The following GPC6 variants were observed in gnomAD, a reference collection of about 807,000 sequenced individuals.
GPC6 encodes glypican-6.
GPC6 carries 14 observed loss-of-function variants against 55.2 expected under a neutral mutation model. That is an observed-to-expected ratio of 0.25 (90% confidence interval 0.17 to 0.40). The LOEUF (loss-of-function observed/expected upper bound fraction) is 0.40, where lower values mean the gene tolerates loss of function less well. Ranked by LOEUF, GPC6 falls within the 10% of genes least tolerant of loss-of-function variation. GPC6 has a pLI of 1.00. For synonymous variants in GPC6, 278 were observed against 259.6 expected (o/e 1.07, Z -0.68); for missense variants, 641 against 708.5 (o/e 0.90, Z 1.08).
At chr13:93,797,144 T>C (rs1886222651) in intron 2 of GPC6, among the ~76,000 whole-genome samples, 1 of 87,856 alleles carries the variant, frequency 1.1e-5, no homozygotes, top group African/African-American at 5.1e-5. Context: ...ATAGTTCCCT[T>C]TGTCATTTAA....
At chr13:93,537,285 C>T (rs760410294) in intron 1 of GPC6, among the ~76,000 whole-genome samples, 3 of 152,156 alleles carry the variant, frequency 2.0e-5, no homozygotes, top group Non-Finnish European at 4.4e-5. Flanking sequence ...GGTTGTACCA[C>T]CTTCCAATAG....
At chr13:93,220,013 G>A in the GPC6 span, among the ~76,000 whole-genome samples, 1 of 152,108 alleles carries the variant, frequency 6.6e-6, no homozygotes, top group Non-Finnish European at 1.5e-5. Context: ...CAGGTAGTAG[G>A]AAATAAAAAC....
chr13:93,327,456 T>C (rs1169607346), intron 1 of GPC6, among the ~76,000 whole-genome samples: 1 of 152,154 alleles, frequency 6.6e-6, no homozygotes, highest in Non-Finnish European at 1.5e-5. Context: ...TCTACTTTCA[T>C]TTAACAGGAA....
chr13:94,159,045 A>G (rs376237729), intron 4 of GPC6, among the ~76,000 whole-genome samples: 1 of 152,064 alleles, frequency 6.6e-6, no homozygotes, highest in African/African-American at 2.4e-5. Context: ...GGCATGTATA[A>G]TATATCTTGG....
intron 1 of GPC6, among the ~76,000 whole-genome samples, chr13:93,407,660 G>C (rs1876344542): frequency 6.6e-6 from 1 of 152,106 alleles, no homozygotes; most frequent in Non-Finnish European, 1.5e-5. Context: ...AAGATGTTGA[G>C]ATATGCCTGT....
chr13:94,372,432 G>C (rs1245673489), intron 6 of GPC6, among the ~76,000 whole-genome samples: 1 of 151,654 alleles, frequency 6.6e-6, no homozygotes, highest in Non-Finnish European at 1.5e-5. Context: ...TTCCCTTTCC[G>C]AGTCAAAGAA....
intron 1 of GPC6, among the ~76,000 whole-genome samples, chr13:93,243,408 G>C (rs74108044): frequency 6.6e-6 from 1 of 152,068 alleles, no homozygotes; most frequent in East Asian, 1.9e-4. Context: ...CATGTCTCTA[G>C]TCAGCCATCT....
intron 6 of GPC6, among the ~76,000 whole-genome samples, chr13:94,331,626 A>C (rs1276613384): frequency 6.6e-6 from 1 of 152,228 alleles, no homozygotes; most frequent in Non-Finnish European, 1.5e-5. Flanking sequence ...AGTTGTTGGA[A>C]GTATTGCTTG....
intron 2 of GPC6, among the ~76,000 whole-genome samples, chr13:93,625,378 C>A (rs916678176): frequency 6.6e-6 from 1 of 152,152 alleles, no homozygotes; most frequent in African/African-American, 2.4e-5. Context: ...TGGGCATGGC[C>A]ACCTTCTATG....
chr13:93,804,474 G>A (rs747994116), intron 2 of GPC6, among the ~76,000 whole-genome samples: 6 of 152,018 alleles, frequency 3.9e-5, no homozygotes, highest in African/African-American at 1.2e-4. Context: ...CTCACCTGTC[G>A]GTTCCAAATC....
chr13:93,943,083 A>T (rs1408723405), intron 3 of GPC6, among the ~76,000 whole-genome samples: 1 of 152,188 alleles, frequency 6.6e-6, no homozygotes, highest in Admixed American at 6.5e-5. Flanking sequence ...ACTTTATTGC[A>T]CGTATCCTCA....
At chr13:93,223,019 C>CTTTTTTTTTTTTT (rs3073915), upstream of GPC6, among the ~76,000 whole-genome samples, 5 of 100,814 alleles carry the variant, frequency 5.0e-5, 1 homozygote, top group African/African-American at 1.1e-4. Context: ...AGGGAAAACA[C>CTTTTTTTTTTTTT]TTTTTTTTTT....
chr13:93,764,477 T>C (rs1885047562), intron 2 of GPC6, among the ~76,000 whole-genome samples: 1 of 152,096 alleles, frequency 6.6e-6, no homozygotes, highest in Non-Finnish European at 1.5e-5. Flanking sequence ...AATAAATTAA[T>C]TAGTGCCACA....
chr13:93,929,206 T>G (rs1878026474), intron 3 of GPC6, among the ~76,000 whole-genome samples: 1 of 152,206 alleles, frequency 6.6e-6, no homozygotes, highest in Non-Finnish European at 1.5e-5. Flanking sequence ...TCTCCAGAAG[T>G]CTGATTAGCA....
chr13:94,195,857 G>A (rs993919026), intron 4 of GPC6, among the ~76,000 whole-genome samples: 9 of 152,164 alleles, frequency 5.9e-5, no homozygotes, highest in Admixed American at 6.5e-5. Context: ...GGTGACTAAG[G>A]TTCAGCTTTG....
intron 2 of GPC6, among the ~76,000 whole-genome samples, chr13:93,807,115 C>A (rs1205860802): frequency 6.6e-6 from 1 of 152,118 alleles, no homozygotes; most frequent in Non-Finnish European, 1.5e-5. Flanking sequence ...TTAATCTGTT[C>A]TTAGCATTGT....
At chr13:94,089,080 G>C (rs1383372556) in intron 4 of GPC6, among the ~76,000 whole-genome samples, 2 of 152,176 alleles carry the variant, frequency 1.3e-5, no homozygotes, top group Non-Finnish European at 2.9e-5. Context: ...TTGGCACCAA[G>C]AAGATTCTCT....
At chr13:94,182,110 G>A (rs1441187099) in intron 4 of GPC6, among the ~76,000 whole-genome samples, 1 of 152,180 alleles carries the variant, frequency 6.6e-6, no homozygotes, top group Non-Finnish European at 1.5e-5. Context: ...TGCCTTGGTT[G>A]TGTGGTAACA....
chr13:93,415,383 T>C (rs889875659), intron 1 of GPC6, among the ~76,000 whole-genome samples: 1 of 152,166 alleles, frequency 6.6e-6, no homozygotes, highest in African/African-American at 2.4e-5. Context: ...TCCATATTTA[T>C]CCATAGCATC....
Sources: allele counts gnomAD v4.1 joint callset (sites outside exome capture counted in the v4.1 genomes callset), GRCh38; gene constraint gnomAD v4.1.1; transcripts MANE v1.5; gene names NCBI Gene and HGNC (gene_info 2026-07-23, HGNC 2026-07-21).